The following ANKS1B variants were observed in gnomAD, a reference collection of about 807,000 sequenced individuals.
The protein encoded by ANKS1B is ankyrin repeat and sterile alpha motif domain-containing protein 1B.
In ANKS1B, 36 loss-of-function variants were observed where a neutral mutation model predicts 148.3. The ratio of observed to expected loss-of-function variants is 0.24; its 90% CI spans 0.19 to 0.32. The LOEUF is 0.32. Among genes scored for constraint, ANKS1B ranks in the 10% least tolerant of loss-of-function variants. ANKS1B has a pLI of 1.00. For synonymous variants in ANKS1B, 542 were observed against 560.8 expected (o/e 0.97, Z 0.47); for missense variants, 1,157 against 1,542.6 (o/e 0.75, Z 4.19).
intron 9 of ANKS1B, among the ~76,000 whole-genome samples, chr12:99,641,122 T>C (rs184298152): frequency 2.9e-4 from 44 of 152,330 alleles, no homozygotes; most frequent in Admixed American, 2.6e-3. Flanking sequence ...TTTTATACTA[T>C]ACATACTGCC....
chr12:99,038,057 T>C (rs2099956614), intron 17 of ANKS1B, among the ~76,000 whole-genome samples: 1 of 152,148 alleles, frequency 6.6e-6, no homozygotes, highest in African/African-American at 2.4e-5. Flanking sequence ...AGCCTTTACA[T>C]GGGGTACAGA....
At chr12:99,758,089 A>G (rs1223179669) in intron 8 of ANKS1B, among the ~76,000 whole-genome samples, 1 of 151,960 alleles carries the variant, frequency 6.6e-6, no homozygotes, top group Non-Finnish European at 1.5e-5. Context: ...AACTTAAAAT[A>G]GACGTAAAAA....
intron 17 of ANKS1B, among the ~76,000 whole-genome samples, chr12:98,923,371 C>T (rs867075156): frequency 5.3e-5 from 8 of 152,120 alleles, no homozygotes; most frequent in Non-Finnish European, 8.8e-5. Context: ...ATAAACTACC[C>T]GTCTCAGGTA....
At chr12:99,787,090 T>C (rs897277893) in intron 4 of ANKS1B, among the ~76,000 whole-genome samples, 2 of 152,196 alleles carry the variant, frequency 1.3e-5, no homozygotes, top group African/African-American at 4.8e-5. Context: ...TAAATAGCTA[T>C]TGAAGGGGTA....
At chr12:98,742,217 G>C (rs899669607), downstream of ANKS1B, among the ~76,000 whole-genome samples, 1 of 152,224 alleles carries the variant, frequency 6.6e-6, no homozygotes, top group African/African-American at 2.4e-5. Flanking sequence ...CGCGGCTGCA[G>C]TCGCCACCTT....
At chr12:99,682,781 AC>A (rs1219376395) in intron 8 of ANKS1B, among the ~76,000 whole-genome samples, 2 of 152,170 alleles carry the variant, frequency 1.3e-5, no homozygotes, top group Non-Finnish European at 2.9e-5. Context: ...TGATATTGAA[AC>A]AACAACAACA....
At chr12:99,905,259 C>G (rs2093736525) in intron 1 of ANKS1B, among the ~76,000 whole-genome samples, 1 of 152,180 alleles carries the variant, frequency 6.6e-6, no homozygotes, top group South Asian at 2.1e-4. Context: ...AAATGTCCAC[C>G]TGTAGTTAGA....
chr12:99,436,577 TTC>T (rs540777172), intron 11 of ANKS1B, among the ~76,000 whole-genome samples: 2 of 152,060 alleles, frequency 1.3e-5, no homozygotes, highest in Non-Finnish European at 2.9e-5. Flanking sequence ...AGCATATGTA[TTC>T]TATAACCCCA....
intron 15 of ANKS1B, among the ~76,000 whole-genome samples, chr12:99,128,800 C>T (rs530554523): frequency 6.6e-6 from 1 of 152,196 alleles, no homozygotes; most frequent in Non-Finnish European, 1.5e-5. Flanking sequence ...TCCAAGAAAA[C>T]AAGAAAAGTT....
chr12:99,710,944 T>A (rs139567496), intron 8 of ANKS1B, among the ~76,000 whole-genome samples: 1 of 152,084 alleles, frequency 6.6e-6, no homozygotes, highest in Non-Finnish European at 1.5e-5. Context: ...TTCCTTTTTT[T>A]AAATAATCTC....
At chr12:99,544,128 A>G (rs1373770968) in intron 9 of ANKS1B, among the ~76,000 whole-genome samples, 1 of 146,162 alleles carries the variant, frequency 6.8e-6, no homozygotes, top group African/African-American at 2.7e-5. Context: ...AAAATTCTTT[A>G]AAAAAAAACT....
At chr12:99,682,376 C>A (rs1458480774) in intron 8 of ANKS1B, among the ~76,000 whole-genome samples, 1 of 152,120 alleles carries the variant, frequency 6.6e-6, no homozygotes, top group East Asian at 1.9e-4. Context: ...CAAAACAAAG[C>A]TCAATAAATT....
chr12:99,010,008 A>G (rs982968996), intron 17 of ANKS1B, among the ~76,000 whole-genome samples: 1 of 152,196 alleles, frequency 6.6e-6, no homozygotes, highest in African/African-American at 2.4e-5. Flanking sequence ...GACATTAAGG[A>G]AGGGGCCAGG....
chr12:99,877,897 A>C (rs1334367042), intron 1 of ANKS1B, among the ~76,000 whole-genome samples: 15 of 152,172 alleles, frequency 9.9e-5, no homozygotes, highest in Non-Finnish European at 1.9e-4. Context: ...CATCTCTACC[A>C]AAAATACAAA....
intron 8 of ANKS1B, among the ~76,000 whole-genome samples, chr12:99,744,281 T>C (rs1471084147): frequency 6.6e-6 from 1 of 152,226 alleles, no homozygotes; most frequent in African/African-American, 2.4e-5. Flanking sequence ...ACATGATAAG[T>C]CAATGTAATA....
At position 98,884,683 on chromosome 12, in the gene ANKS1B, C is replaced by A. The variant is rs142256117; in HGVS notation, c.2779-52547G>T. On this transcript the variant is annotated intron_variant, in intron 17 of 26. Transcript: ENST00000683438. Reference sequence around the variant, plus strand: ...GCGCGGTGGCGGGCGCCTGTAGTCCCAGCTACTCGGGAGGCTGAGGCAGGA... The same window carrying A: ...GCGCGGTGGCGGGCGCCTGTAGTCCAAGCTACTCGGGAGGCTGAGGCAGGA... 3.3e-5 allele frequency among the ~76,000 whole-genome samples: 5 copies of A among 151,528 alleles called. No homozygotes were observed. The East Asian group carries it at 9.7e-4, about 29-fold the overall frequency.
At chr12:99,529,639 A>C (rs1193550821) in intron 9 of ANKS1B, among the ~76,000 whole-genome samples, 1 of 152,090 alleles carries the variant, frequency 6.6e-6, no homozygotes, top group Non-Finnish European at 1.5e-5. Context: ...GTGACACAGC[A>C]AGACTCTGTT....
At chr12:98,860,132 C>A (rs1371606786) in intron 17 of ANKS1B, among the ~76,000 whole-genome samples, 2 of 152,224 alleles carry the variant, frequency 1.3e-5, no homozygotes, top group African/African-American at 2.4e-5. Context: ...TGAAATTCTG[C>A]AATCTTAAAG....
chr12:99,074,548 G>C (rs1237584388), intron 16 of ANKS1B, among the ~76,000 whole-genome samples: 1 of 152,106 alleles, frequency 6.6e-6, no homozygotes, highest in East Asian at 1.9e-4. Flanking sequence ...TCATTTCAAA[G>C]GGTGCAAAGA....
Sources: gnomAD v4.1 joint callset for allele counts (sites outside exome capture counted in the v4.1 genomes callset) on GRCh38, gnomAD v4.1.1 for gene constraint, MANE v1.5 for transcripts, NCBI Gene and HGNC (gene_info 2026-07-23, HGNC 2026-07-21) for gene names.